Variants in RFX4 observed in about 807,000 individuals in gnomAD.
RFX4 encodes regulatory factor X4.
Under a neutral mutation model 95.0 loss-of-function variants are expected in RFX4, and 10 were observed. The observed-to-expected ratio is 0.11, with a 90% CI of 0.06 to 0.18. RFX4 has a LOEUF of 0.18. Ranked by LOEUF, RFX4 falls within the 10% of genes least tolerant of loss-of-function variation. The pLI, the probability that RFX4 is intolerant of heterozygous loss-of-function variation, is 1.00. For synonymous variants in RFX4, 321 were observed against 340.7 expected (o/e 0.94, Z 0.64); for missense variants, 640 against 922.0 (o/e 0.69, Z 3.96).
At chr12:106,590,288 A>T (rs527887504) in intron 1 of RFX4, among the ~76,000 whole-genome samples, 1 of 152,392 alleles carries the variant, frequency 6.6e-6, no homozygotes, top group South Asian at 2.1e-4. Flanking sequence ...AAGTGGTAAT[A>T]GTTAACATAC....
intron 4 of RFX4, among the ~76,000 whole-genome samples, chr12:106,674,130 A>G (rs1290911348): frequency 6.6e-6 from 1 of 152,118 alleles, no homozygotes; most frequent in East Asian, 1.9e-4. Context: ...CTCCAGCCAC[A>G]TGGGCCTCCT....
chr12:106,601,283 A>C, intron 1 of RFX4: 1 of 1,592,026 alleles, frequency 6.3e-7, no homozygotes. Flanking sequence ...CAGAATGATC[A>C]AAAGGAGAGC....
At chr12:106,736,258 T>C (rs1245079739) in intron 15 of RFX4, among the ~76,000 whole-genome samples, 1 of 152,198 alleles carries the variant, frequency 6.6e-6, no homozygotes, top group Non-Finnish European at 1.5e-5. Flanking sequence ...TCCTTCAATA[T>C]TAAGCTCCCA....
intron 7 of RFX4, among the ~76,000 whole-genome samples, chr12:106,695,447 A>G (rs1276266995): frequency 6.6e-6 from 1 of 152,172 alleles, no homozygotes; most frequent in African/African-American, 2.4e-5. Context: ...CAGCTAAAAG[A>G]CAGAGGTGTA....
At chr12:106,705,242 G>A (rs1253370234) in intron 8 of RFX4, among the ~76,000 whole-genome samples, 1 of 152,190 alleles carries the variant, frequency 6.6e-6, no homozygotes, top group African/African-American at 2.4e-5. Flanking sequence ...AAAGGTAACT[G>A]CTGTTATCAC....
At chr12:106,741,593 A>C (rs1282613747) in intron 15 of RFX4, among the ~76,000 whole-genome samples, 1 of 152,192 alleles carries the variant, frequency 6.6e-6, no homozygotes, top group South Asian at 2.1e-4. Context: ...AATAGCCACG[A>C]GTGGCTATAG....
intron 16 of RFX4, among the ~76,000 whole-genome samples, chr12:106,748,914 G>A (rs1209054544): frequency 4.6e-5 from 7 of 151,970 alleles, no homozygotes; most frequent in African/African-American, 1.5e-4. Flanking sequence ...GTGAAACCCC[G>A]TCTCTACTAA....
intron 2 of RFX4, among the ~76,000 whole-genome samples, chr12:106,626,691 T>A (rs1053643314): frequency 1.3e-5 from 2 of 152,086 alleles, no homozygotes; most frequent in Non-Finnish European, 2.9e-5. Flanking sequence ...TAGGCAGGTG[T>A]TAGAGGGTTT....
chr12:106,716,543 C>T (rs2042295765), intron 11 of RFX4, among the ~76,000 whole-genome samples: 1 of 152,102 alleles, frequency 6.6e-6, no homozygotes, highest in African/African-American at 2.4e-5. Context: ...AGATCTCTTT[C>T]CCATTAAGCC....
chr12:106,710,408 A>G (rs1242508901), intron 9 of RFX4, among the ~76,000 whole-genome samples: 1 of 152,190 alleles, frequency 6.6e-6, no homozygotes, highest in Non-Finnish European at 1.5e-5. Flanking sequence ...AGTTAAAGAA[A>G]AAGTAATTAA....
intron 13 of RFX4, among the ~76,000 whole-genome samples, chr12:106,724,442 A>G (rs1209285510): frequency 6.6e-6 from 1 of 152,254 alleles, no homozygotes; most frequent in East Asian, 1.9e-4. Flanking sequence ...CAATAGAGCT[A>G]GAAAAATTTA....
chr12:106,624,619 G>A (rs900790232), intron 2 of RFX4, among the ~76,000 whole-genome samples: 1 of 152,024 alleles, frequency 6.6e-6, no homozygotes, highest in Non-Finnish European at 1.5e-5. Context: ...GAGCCACCTC[G>A]CCCGGGCTTT....
chr12:106,588,901 T>A (rs1360566056), intron 1 of RFX4, among the ~76,000 whole-genome samples: 1 of 152,228 alleles, frequency 6.6e-6, no homozygotes, highest in Admixed American at 6.5e-5. Flanking sequence ...GCCAAGTTGG[T>A]CTGTTTGCCT....
At chr12:106,620,434 G>A (rs916485617) in intron 2 of RFX4, among the ~76,000 whole-genome samples, 1 of 152,124 alleles carries the variant, frequency 6.6e-6, no homozygotes, top group Non-Finnish European at 1.5e-5. Flanking sequence ...TTTTATTAAG[G>A]GTTTCAAAAG....
At position 106,709,017 on chromosome 12, in the gene RFX4, G is replaced by C. The variant is rs79853115; in HGVS notation, c.834-313G>C. On this transcript the variant is annotated intron_variant, in intron 8 of 17. Coordinates refer to ENST00000392842, the MANE Select transcript of RFX4 (RefSeq NM_213594.3). ...GGCTTTCTAAGGCCCACGGCCCACT[G>C]TCTTCACCCCTCACACAAGCTCTTC... Among the ~76,000 whole-genome samples the C allele has an allele frequency of 8.0e-3, 1,225 of 152,298 alleles. 23 individuals are homozygous for C. The highest frequency in any genetic ancestry group is 0.027 in the African/African-American group (1,139 of 41,554).
At chr12:106,679,439 G>C in intron 4 of RFX4, among the ~76,000 whole-genome samples, 1 of 151,030 alleles carries the variant, frequency 6.6e-6, no homozygotes, top group Admixed American at 6.6e-5. Context: ...GGGCAACAGA[G>C]TGGGGGCTCT....
chr12:106,585,261 G>A (rs969802), intron 1 of RFX4, among the ~76,000 whole-genome samples: 15,726 of 152,202 alleles, frequency 0.1, 1,114 homozygotes, highest in East Asian at 0.19. Flanking sequence ...GTGGGGCTGT[G>A]GATTCGTGGC....
intron 15 of RFX4, among the ~76,000 whole-genome samples, chr12:106,735,827 A>G (rs1454556352): frequency 2.0e-5 from 3 of 152,196 alleles, no homozygotes; most frequent in Non-Finnish European, 4.4e-5. Flanking sequence ...TACAGAGACA[A>G]GTGTTATGGA....
chr12:106,711,941 C>T (rs1311509110), intron 10 of RFX4, among the ~76,000 whole-genome samples: 2 of 152,146 alleles, frequency 1.3e-5, no homozygotes, highest in Admixed American at 1.3e-4. Flanking sequence ...GTGACATATG[C>T]TTGCTTTCAA....
Sources: allele counts gnomAD v4.1 joint callset (sites outside exome capture counted in the v4.1 genomes callset), GRCh38; gene constraint gnomAD v4.1.1; transcripts MANE v1.5; gene names NCBI Gene and HGNC (gene_info 2026-07-23, HGNC 2026-07-21).